Variants in SYTL2 observed in about 807,000 individuals in gnomAD.
SYTL2 encodes the protein synaptotagmin-like protein 2.
In SYTL2, 165 loss-of-function variants were observed where a neutral mutation model predicts 198.7. That is an observed-to-expected ratio of 0.83 (90% CI 0.73 to 0.94). The LOEUF (loss-of-function observed/expected upper bound fraction) is 0.94. SYTL2 is among the 40% of genes least tolerant of loss of function. The pLI, the probability that SYTL2 is intolerant of heterozygous loss-of-function variation, is 0.00. For synonymous variants in SYTL2, 966 were observed against 917.7 expected, an observed-to-expected ratio of 1.05 and a Z score of -0.95; for missense variants, 2,835 against 2,582.8, an observed-to-expected ratio of 1.10 and a Z score of -2.12.
intron 10 of SYTL2, chr11:85,718,141 T>A (rs181877601): frequency 5.9e-6 from 1 of 169,346 alleles, no homozygotes; most frequent in African/African-American, 2.4e-5. Flanking sequence ...TACATTTGCA[T>A]AAATTCTGCA....
Position 85,707,512 on chromosome 11 carries a change from G to C in SYTL2, c.5935C>G (p.Leu1979Val), listed in dbSNP as rs908074692. 2 of 1,611,952 alleles carry C rather than the reference G, an allele frequency of 1.2e-6. No individual in the cohort carries two copies. Among genetic ancestry groups the C allele is most frequent in the Admixed American group, 3.3e-5 (2 of 59,946 alleles). The change falls in exon 15 of 20, where the codon CTA becomes GTA. Residue 1979 changes from leucine to valine, a missense_variant. Around this residue, in one of 3 missense-constraint regions of SYTL2, gnomAD observed 2,645 missense variants for 2,381.7 expected, o/e 1.11. Coordinates refer to ENST00000359152, the MANE Select transcript of SYTL2 (RefSeq NM_206927.4). The part of the protein sequence containing the change: ...RSDPYVKAYL[L>V]PDKGKMGKKK... ...TTGCCCATTTTGCCTTTGTCTGGTAGCAAATAGGCCTTTACATATCTGAAA... is the reference window on the plus strand; with the variant it reads ...TTGCCCATTTTGCCTTTGTCTGGTACCAAATAGGCCTTTACATATCTGAAA...
At chr11:85,795,674 C>T (rs191876935) in intron 1 of SYTL2, among the ~76,000 whole-genome samples, 7 of 152,312 alleles carry the variant, frequency 4.6e-5, no homozygotes, top group African/African-American at 1.7e-4. Context: ...TTTCTATCTT[C>T]TTCCTTATAT....
chr11:85,833,546 G>A, the SYTL2 span, among the ~76,000 whole-genome samples: 1 of 151,234 alleles, frequency 6.6e-6, no homozygotes, highest in Admixed American at 6.6e-5. Context: ...AAGTGAAGGG[G>A]GAAAATTGCT....
At position 85,726,302 on chromosome 11, in the gene SYTL2, T is replaced by C; in HGVS notation, c.3056A>G (p.Lys1019Arg). ...TTTAATGTCGCTGAATTCCTTGTGT[T>C]TCTGCCTATTAAAAGGTGCAGAATT... is the stretch of plus-strand genomic sequence containing the variant. The part of the protein sequence containing the change: ...QKNSAPFNRQ[K>R]HKEFSDIKLS... The change falls in exon 8 of 20, where the codon AAA becomes AGA. Residue 1019 changes from lysine (K) to arginine (R), a missense_variant. Lys to Arg is a conservative substitution (Grantham distance 26). This residue lies in a region of SYTL2 where 2,645 missense variants were observed against 2,381.7 expected (regional missense o/e 1.11). Coordinates refer to ENST00000359152, the MANE Select transcript of SYTL2 (RefSeq NM_206927.4). The C allele has an allele frequency of 1.9e-6, 3 of 1,614,122 alleles. No homozygotes were observed. Among genetic ancestry groups the C allele is most frequent in the Non-Finnish European group, 2.5e-6 (3 of 1,179,998 alleles).
chr11:85,833,982 A>G, the SYTL2 span, among the ~76,000 whole-genome samples: 1 of 151,640 alleles, frequency 6.6e-6, no homozygotes, highest in Non-Finnish European at 1.5e-5. Flanking sequence ...CAAGTGATCC[A>G]CCCATCTCGG....
chr11:85,701,688 A>C (rs936943655), intron 16 of SYTL2, among the ~76,000 whole-genome samples: 1 of 152,236 alleles, frequency 6.6e-6, no homozygotes, highest in Admixed American at 6.5e-5. Context: ...TAGTGGAACT[A>C]AAACAGTTCC....
At chr11:85,845,707 G>T in the SYTL2 span, among the ~76,000 whole-genome samples, 3 of 152,202 alleles carry the variant, frequency 2.0e-5, no homozygotes, top group African/African-American at 7.2e-5. Flanking sequence ...AGGAGATCGA[G>T]ACCATCCTGG....
chr11:85,717,671 C>G (rs556620714), intron 10 of SYTL2, 141 bp from the exon 11 acceptor site: 1 of 741,238 alleles, frequency 1.3e-6, no homozygotes, highest in Non-Finnish European at 2.4e-6. Context: ...TTCATCCATT[C>G]CTCACTGTGA....
At chr11:85,742,819 G>A (rs1213577147) in intron 4 of SYTL2, among the ~76,000 whole-genome samples, 1 of 152,210 alleles carries the variant, frequency 6.6e-6, no homozygotes, top group Non-Finnish European at 1.5e-5. Context: ...TGAAAAGTCT[G>A]TAACCAGAAC....
chr11:85,720,728 T>G, intron 9 of SYTL2, 130 bp downstream of exon 9: 1 of 603,784 alleles, frequency 1.7e-6, no homozygotes, highest in African/African-American at 1.8e-5. Context: ...TTGGAGAGGT[T>G]ATTTTCATCT....
chr11:85,818,503 G>C, the SYTL2 span, among the ~76,000 whole-genome samples: 1 of 152,026 alleles, frequency 6.6e-6, no homozygotes, highest in Non-Finnish European at 1.5e-5. Flanking sequence ...GGGTCATATG[G>C]CCAAGAATCT....
chr11:85,753,610 C>CT (rs547094902), intron 2 of SYTL2, among the ~76,000 whole-genome samples: 5 of 150,932 alleles, frequency 3.3e-5, no homozygotes, highest in Admixed American at 6.6e-5. Context: ...GTAACAAAAC[C>CT]TTTTTTTTTA....
At chr11:85,817,897 C>CTTTTTTTTTTT in the SYTL2 span, among the ~76,000 whole-genome samples, 3 of 119,868 alleles carry the variant, frequency 2.5e-5, 1 homozygote. Flanking sequence ...ACCTTTGTGT[C>CTTTTTTTTTTT]TTTTCTTTTT....
Position 85,726,641 on chromosome 11 carries a change from TTA to T in SYTL2, c.2715_2716del (p.Asn905LysfsTer4). On this transcript the variant is annotated frameshift_variant, in exon 8 of 20. Coordinates refer to ENST00000359152, the MANE Select transcript of SYTL2 (RefSeq NM_206927.4). LOFTEE classifies it high-confidence loss of function. ...TGATCTTTTTATAGGCTCATTTTTC[TTA>T]TTCTGAAACAGAGACACTTTATCTG... 1 of 1,537,778 alleles carries T rather than the reference TTA, an allele frequency of 6.5e-7. No homozygotes were observed. Among genetic ancestry groups the T allele is most frequent in the Non-Finnish European group, 8.7e-7 (1 of 1,147,526 alleles).
At chr11:85,789,569 T>G (rs2092701332) in intron 1 of SYTL2, among the ~76,000 whole-genome samples, 1 of 151,184 alleles carries the variant, frequency 6.6e-6, no homozygotes, top group African/African-American at 2.4e-5. Context: ...TCAGTTTTAT[T>G]CTCTTCCTTT....
the SYTL2 span, among the ~76,000 whole-genome samples, chr11:85,833,002 AAAAGAAAGAAAAGAAAGAAAGAAAG>A: frequency 1.6e-3 from 147 of 91,794 alleles, 12 homozygotes; most frequent in African/African-American, 4.6e-3. Context: ...TCTCAAAAAA[AAAAGAAAGAAAAGAAAGAAAGAAAG>A]AAAGAAAGAA....
intron 14 of SYTL2, 98 bp downstream of exon 14, chr11:85,709,233 T>A (rs117893068): frequency 0.022 from 25,877 of 1,185,392 alleles, 371 homozygotes; most frequent in Admixed American, 0.047. Context: ...TCTTAACACA[T>A]ACCCTCCCTC....
At chr11:85,789,916 T>C (rs2092705815) in intron 1 of SYTL2, among the ~76,000 whole-genome samples, 1 of 152,162 alleles carries the variant, frequency 6.6e-6, no homozygotes, top group Non-Finnish European at 1.5e-5. Flanking sequence ...TGAACCAGTA[T>C]TAAATTGCCA....
upstream of SYTL2, among the ~76,000 whole-genome samples, chr11:85,813,767 G>T (rs1405116336): frequency 8.9e-6 from 1 of 112,242 alleles, no homozygotes; most frequent in African/African-American, 3.5e-5. Flanking sequence ...GTCTCACTTT[G>T]TTGCCCAGGC....
Sources: allele counts gnomAD v4.1 joint callset (sites outside exome capture counted in the v4.1 genomes callset), GRCh38; gene constraint gnomAD v4.1.1; regional missense constraint gnomAD v4.1.1; transcripts MANE v1.5; gene names NCBI Gene and HGNC (gene_info 2026-07-23, HGNC 2026-07-21).